The following LRRK1 variants were observed in gnomAD, a reference collection of about 807,000 sequenced individuals.
LRRK1 encodes the protein leucine rich repeat kinase 1.
LRRK1 carries 113 observed loss-of-function variants against 209.1 expected under a neutral mutation model. That is an observed-to-expected ratio of 0.54 (90% CI 0.46 to 0.63). The LOEUF (loss-of-function observed/expected upper bound fraction) is 0.63. LRRK1 is among the 30% of genes least tolerant of loss of function. The pLI, the probability that LRRK1 is intolerant of heterozygous loss-of-function variation, is 0.00. For missense variants in LRRK1, 2,284 were observed against 2,632.2 expected (o/e 0.87, Z 2.89); for synonymous variants, 1,144 against 1,099.7 (o/e 1.04, Z -0.80).
chr15:100,923,275 C>T (rs1596147489), intron 1 of LRRK1, among the ~76,000 whole-genome samples: 1 of 152,304 alleles, frequency 6.6e-6, no homozygotes, highest in Non-Finnish European at 1.5e-5. Context: ...GACACACATA[C>T]CTTTCAGCTG....
rs1000014572 is a variant in LRRK1, at chr15:100,945,870, G to A, written c.97+21141G>A. On this transcript the variant is annotated intron_variant, in intron 2 of 33. Coordinates refer to ENST00000388948, the MANE Select transcript of LRRK1 (RefSeq NM_024652.6). Reference sequence around the variant, plus strand: ...TTCTAGGCGCTGTTAGTGTCGGCACGGTATCTATTCGTTGTTAACCTATAA... The same window carrying A: ...TTCTAGGCGCTGTTAGTGTCGGCACAGTATCTATTCGTTGTTAACCTATAA... 7.9e-5 allele frequency among the ~76,000 whole-genome samples: 12 copies of A among 152,138 alleles called. No individual in the cohort carries two copies. The East Asian group carries it at 1.5e-3, about 20-fold the overall frequency.
chr15:101,053,278 C>T lies in LRRK1; in HGVS notation c.3912C>T (p.Phe1304=). The part of the protein sequence containing the change: ...ATDAMKNFSE[F]RQEASMLHAL... ...ATGCCATGAAGAACTTCTCCGAGTT[C>T]CGGCAGGAGGCCAGCATGCTGCACG... is the stretch of plus-strand genomic sequence containing the variant. The change falls in exon 26 of 34, where the codon TTC becomes TTT. Residue 1304 remains phenylalanine (F), a synonymous_variant. Coordinates refer to ENST00000388948, the MANE Select transcript of LRRK1 (RefSeq NM_024652.6). 1 of 1,606,874 alleles carries T rather than the reference C, an allele frequency of 6.2e-7. No individual in the cohort carries two copies.
In LRRK1 at chr15:101,014,435, A is replaced by G; in HGVS notation, c.1532+7A>G. 1 of 1,589,004 alleles carries G rather than the reference A, an allele frequency of 6.3e-7. No individual in the cohort carries two copies. The highest frequency in any genetic ancestry group is 8.6e-7 in the Non-Finnish European group (1 of 1,157,264). ...CCAGAAACCAACTTGGCAAGTAAGC[A>G]GGGGCCTCTCCTCCCTGGCCAGTTC... On this transcript the variant is annotated splice_region_variant and intron_variant, in intron 11 of 33. Coordinates refer to ENST00000388948, the MANE Select transcript of LRRK1 (RefSeq NM_024652.6).
In LRRK1 at chr15:101,027,687, A is replaced by T; in HGVS notation, c.2576A>T (p.Gln859Leu). The change falls in exon 19 of 34, where the codon CAG (glutamine) becomes CTG (leucine). Residue 859 changes from glutamine to leucine, a missense_variant. Coordinates refer to ENST00000388948, the MANE Select transcript of LRRK1 (RefSeq NM_024652.6). This position sits in a 1 kb window ranked among gnomAD's most constrained non-coding sequence, Gnocchi z 5.1. ...SLQEAVLAEQQRRSRDDDVQY... is the reference protein window; with the variant it reads ...SLQEAVLAEQLRRSRDDDVQY... ...CAGGAGGCCGTGCTGGCAGAGCAGC[A>T]GCGCCGCAGCCGGGACGACGACGTG... 1.2e-6 allele frequency: 2 copies of T among 1,613,238 alleles called. No individual in the cohort carries two copies. The highest frequency in any genetic ancestry group is 1.7e-6 in the Non-Finnish European group (2 of 1,179,760).
chr15:100,985,655 G>A (rs1285033324), intron 4 of LRRK1, among the ~76,000 whole-genome samples: 1 of 152,246 alleles, frequency 6.6e-6, no homozygotes, highest in Non-Finnish European at 1.5e-5. Context: ...TGGGTTGCCT[G>A]CTTTTGCAGA....
intron 2 of LRRK1, among the ~76,000 whole-genome samples, chr15:100,960,668 C>A (rs912733138): frequency 2.0e-5 from 3 of 152,166 alleles, no homozygotes; most frequent in Admixed American, 2.0e-4. Context: ...ACTGTAGCAG[C>A]GCACTTGAGC....
Position 101,053,060 on chromosome 15 carries a change from A to T in LRRK1, c.3828A>T (p.Lys1276Asn). 6 of 1,611,514 alleles carry T rather than the reference A, an allele frequency of 3.7e-6. No homozygotes were observed. The highest frequency in any genetic ancestry group is 5.1e-6 in the Non-Finnish European group (6 of 1,178,234). ...CCGTCAAGCGCTTCCACATCAAAAAATTCAAGAACTTTGCTAACGTACCGG... is the reference window on the plus strand; with the variant it reads ...CCGTCAAGCGCTTCCACATCAAAAATTTCAAGAACTTTGCTAACGTACCGG... Reference protein sequence around the residue: ...PVAVKRFHIKKFKNFANVPAD... With the variant: ...PVAVKRFHIKNFKNFANVPAD... The change falls in exon 25 of 34, where the codon AAA (lysine) becomes AAT (asparagine). Residue 1276 changes from lysine to asparagine, a missense_variant. Around this residue, in one of 6 missense-constraint regions of LRRK1, gnomAD observed 780 missense variants for 985.2 expected, o/e 0.79. Coordinates refer to ENST00000388948, the MANE Select transcript of LRRK1 (RefSeq NM_024652.6).
intron 6 of LRRK1, among the ~76,000 whole-genome samples, chr15:100,995,991 G>A (rs966872249): frequency 7.2e-5 from 11 of 152,232 alleles, no homozygotes; most frequent in African/African-American, 1.9e-4. Flanking sequence ...TGCCCTGAGC[G>A]CAAGCAGCCC....
At chr15:101,039,682 C>T (rs1471573646) in intron 20 of LRRK1, among the ~76,000 whole-genome samples, 1 of 152,172 alleles carries the variant, frequency 6.6e-6, no homozygotes, top group African/African-American at 2.4e-5. Context: ...AGCATTCAGT[C>T]TTTCACCATC....
At chr15:100,928,637 G>C (rs957750363) in intron 2 of LRRK1, among the ~76,000 whole-genome samples, 6 of 152,216 alleles carry the variant, frequency 3.9e-5, no homozygotes, top group Non-Finnish European at 8.8e-5. Context: ...GTTAGAAAAA[G>C]ACCCACACTT....
At chr15:101,003,519 G>T (rs1310799923) in intron 6 of LRRK1, among the ~76,000 whole-genome samples, 1 of 152,158 alleles carries the variant, frequency 6.6e-6, no homozygotes, top group Admixed American at 6.5e-5. Context: ...ACATGGCTGG[G>T]GAGGCCTCAC....
At chr15:100,969,885 C>T (rs907706179) in intron 2 of LRRK1, among the ~76,000 whole-genome samples, 3 of 84,994 alleles carry the variant, frequency 3.5e-5, no homozygotes, top group African/African-American at 1.7e-4. Context: ...ATTTTCTCTG[C>T]TTTTTTCTTC....
chr15:101,022,374 T>C lies in LRRK1; in HGVS notation c.1853-9T>C. On this transcript the variant is annotated splice_polypyrimidine_tract_variant and intron_variant, in intron 14 of 33. Transcript: ENST00000388948. The surrounding 1 kb of genome is among the most constrained non-coding windows in gnomAD (Gnocchi z 4.0). Reference sequence around the variant, plus strand: ...CGCAGCTACCCTTCCCCTTAATGATTTTGCACAGGCCCCAAAGCAATGCTG... The same window carrying C: ...CGCAGCTACCCTTCCCCTTAATGATCTTGCACAGGCCCCAAAGCAATGCTG... 6.2e-7 allele frequency: 1 copy of C among 1,613,656 alleles called. No individual in the cohort carries two copies. The highest frequency in any genetic ancestry group is 8.5e-7 in the Non-Finnish European group (1 of 1,179,586).
intron 2 of LRRK1, among the ~76,000 whole-genome samples, chr15:100,928,803 A>G (rs2042159156): frequency 6.6e-6 from 1 of 151,980 alleles, no homozygotes; most frequent in Admixed American, 6.6e-5. Flanking sequence ...AAGCCCCTGG[A>G]TGTGGGGGGC....
chr15:100,922,746 G>A (rs561338911), intron 1 of LRRK1, among the ~76,000 whole-genome samples: 5 of 152,300 alleles, frequency 3.3e-5, no homozygotes, highest in African/African-American at 9.6e-5. Context: ...CAGATTGATC[G>A]TTTTTCCTTT....
At chr15:100,974,500 C>T (rs758190391) in intron 3 of LRRK1, among the ~76,000 whole-genome samples, 3 of 152,074 alleles carry the variant, frequency 2.0e-5, no homozygotes, top group Non-Finnish European at 4.4e-5. Flanking sequence ...AGCTGCTGCT[C>T]GTACTTTTAT....
Position 101,066,106 on chromosome 15 carries a change from G to A in LRRK1, c.5669G>A (p.Arg1890Lys). The A allele has an allele frequency of 1.2e-6, 2 of 1,614,148 alleles. No individual in the cohort carries two copies. Among genetic ancestry groups the A allele is most frequent in the Non-Finnish European group, 8.5e-7 (1 of 1,180,046 alleles). ...CATACGCCCGGTGCTGCCTCCGACA[G>A]GTCTGAGCATGACCTGACCCCCATG... is the stretch of plus-strand genomic sequence containing the variant. ...MLHTPGAASD[R>K]SEHDLTPMDG... is the part of the protein sequence containing the mutation. Residue 1890 changes from arginine to lysine, a missense_variant, in exon 32 of 34, where the codon AGG (arginine) becomes AAG (lysine). Physicochemically the swap from Arg to Lys is conservative, Grantham distance 26 (BLOSUM62 2). Coordinates refer to ENST00000388948, the MANE Select transcript of LRRK1 (RefSeq NM_024652.6).
At chr15:100,987,277 A>C (rs2031926272) in intron 4 of LRRK1, among the ~76,000 whole-genome samples, 1 of 152,062 alleles carries the variant, frequency 6.6e-6, no homozygotes, top group Non-Finnish European at 1.5e-5. Flanking sequence ...ACTTGGGAGC[A>C]CTTTGATCCC....
rs552141095 is a variant in LRRK1 at position 101,043,218 on chromosome 15, C to A, written c.2964-2763C>A. Among the ~76,000 whole-genome samples, 6 of 152,354 alleles carry A rather than the reference C, an allele frequency of 3.9e-5. No individual in the cohort carries two copies. In the South Asian group the frequency reaches 1.2e-3, roughly 32 times the overall value. On this transcript the variant is annotated intron_variant, in intron 20 of 33. Transcript: ENST00000388948. ...GACTTCTGGGGAGCAGGCCTGGATC[C>A]TGCACAGTGAGGCCAGAGACCCGGC...
Sources: gnomAD v4.1 joint callset for allele counts (sites outside exome capture counted in the v4.1 genomes callset) on GRCh38, gnomAD v4.1.1 for gene constraint, gnomAD v4.1.1 regional missense constraint, Gnocchi (gnomAD v3.1) non-coding constraint, MANE v1.5 for transcripts, NCBI Gene and HGNC (gene_info 2026-07-23, HGNC 2026-07-21) for gene names.